The following XPO1 variants were observed in gnomAD, a reference collection of about 807,000 sequenced individuals.
The protein encoded by XPO1 is exportin-1.
A neutral mutation model predicts 133.3 loss-of-function variants in XPO1; 5 were observed. The ratio of observed to expected loss-of-function variants is 0.04; its 90% CI spans 0.02 to 0.08. XPO1 has a LOEUF of 0.08. Among genes scored for constraint, XPO1 ranks in the 10% least tolerant of loss-of-function variants. The pLI is 1.00. For synonymous variants in XPO1, 419 were observed against 408.2 expected, an observed-to-expected ratio of 1.03 and a Z score of -0.32; for missense variants, 506 against 1,267.5, an observed-to-expected ratio of 0.40 and a Z score of 9.12.
intron 1 of XPO1, among the ~76,000 whole-genome samples, chr2:61,534,920 T>C (rs554349737): frequency 3.3e-4 from 50 of 152,286 alleles, no homozygotes; most frequent in Non-Finnish European, 8.8e-5. Flanking sequence ...ATATATGATC[T>C]AGGAAAAAAA....
chr2:61,499,974 G>A, intron 6 of XPO1, 80 bp from the exon 7 acceptor site: 1 of 1,349,766 alleles, frequency 7.4e-7, no homozygotes, highest in Non-Finnish European at 1.0e-6. Context: ...TTATGTAATG[G>A]ATAAAGGCAG....
At chr2:61,531,566 T>C (rs941091332) in intron 2 of XPO1, among the ~76,000 whole-genome samples, 1 of 152,236 alleles carries the variant, frequency 6.6e-6, no homozygotes, top group African/African-American at 2.4e-5. Context: ...CCTTTAGATG[T>C]AGTGAACTAG....
intron 1 of XPO1, chr2:61,536,565 G>A (rs1699361896): frequency 6.6e-6 from 1 of 152,238 alleles, no homozygotes; most frequent in Admixed American, 6.5e-5. Context: ...TCGCTACAAG[G>A]CGAAAGACTG....
At chr2:61,519,409 G>A (rs554276464) in intron 4 of XPO1, among the ~76,000 whole-genome samples, 1 of 151,774 alleles carries the variant, frequency 6.6e-6, no homozygotes, top group East Asian at 1.9e-4. Context: ...TAATTTAAAA[G>A]AACATGTTAG....
chr2:61,505,756 A>C (rs889092320), intron 4 of XPO1, among the ~76,000 whole-genome samples: 1 of 151,880 alleles, frequency 6.6e-6, no homozygotes, highest in Non-Finnish European at 1.5e-5. Context: ...ATGGGGTTTC[A>C]CCATTTTGGC....
At chr2:61,533,743 TGTTATAAA>T (rs754076545) in intron 2 of XPO1, 21 bp downstream of exon 2, 1 of 1,547,992 alleles carries the variant, frequency 6.5e-7, no homozygotes, top group African/African-American at 1.4e-5. Flanking sequence ...ACTGTCATAA[TGTTATAAA>T]GTTTTGGTTG....
chr2:61,518,335 G>A (rs1270140937), intron 4 of XPO1, among the ~76,000 whole-genome samples: 1 of 151,432 alleles, frequency 6.6e-6, no homozygotes, highest in Non-Finnish European at 1.5e-5. Flanking sequence ...GGCGGATGAC[G>A]AGGTCAGGAG....
Position 61,492,645 on chromosome 2 carries a change from T to C in XPO1, c.1488A>G (p.Thr496=). 2.5e-6 allele frequency: 4 copies of C among 1,613,950 alleles called. No homozygotes were observed. The highest frequency in any genetic ancestry group is 1.3e-5 in the African/African-American group (1 of 75,044). The change falls in exon 14 of 25, where the codon ACA becomes ACG. Residue 496 remains threonine, a synonymous_variant. Coordinates refer to ENST00000401558, the MANE Select transcript of XPO1 (RefSeq NM_003400.4). The surrounding 1 kb of genome is among the most constrained non-coding windows in gnomAD (Gnocchi z 5.6). The part of the protein sequence containing the change: ...GTEWSWKNLN[T]LCWAIGSISG... The stretch of plus-strand genomic sequence containing the variant: ...TAATGGAGCCTATTGCCCAACACAA[T>C]GTATTCAAATTTTTCCATGACCACT...
intron 5 of XPO1, 104 bp from the exon 6 acceptor site, chr2:61,502,144 C>T (rs980705040): frequency 9.3e-6 from 14 of 1,503,276 alleles, no homozygotes; most frequent in Non-Finnish European, 1.3e-5. Context: ...AAATGACTGA[C>T]TGTGCATATG....
chr2:61,493,804 A>C, intron 12 of XPO1, 90 bp downstream of exon 12: 1 of 1,370,618 alleles, frequency 7.3e-7, no homozygotes, highest in Non-Finnish European at 1.0e-6. Flanking sequence ...TTTTATAGCT[A>C]ATTTATTTAC....
chr2:61,526,605 AC>A, intron 2 of XPO1, 84 bp from the exon 3 acceptor site: 1 of 1,001,468 alleles, frequency 1.0e-6, no homozygotes, highest in Non-Finnish European at 1.4e-6. Context: ...TGAGCAAGGC[AC>A]AAATTCTAAT....
At chr2:61,482,875 G>A (rs965413089) in intron 22 of XPO1, 82 bp downstream of exon 22, 46 of 1,544,754 alleles carry the variant, frequency 3.0e-5, no homozygotes, top group Middle Eastern at 1.8e-4. Flanking sequence ...TCCCCGCCTC[G>A]ACCTCCCAAA....
chr2:61,524,406 C>G (rs563110055), intron 3 of XPO1, among the ~76,000 whole-genome samples: 1 of 152,170 alleles, frequency 6.6e-6, no homozygotes, highest in African/African-American at 2.4e-5. Flanking sequence ...ATTTACTAAC[C>G]TGTATTTTCT....
At chr2:61,534,996 T>A (rs967721793) in intron 1 of XPO1, among the ~76,000 whole-genome samples, 5 of 152,210 alleles carry the variant, frequency 3.3e-5, no homozygotes, top group Admixed American at 6.5e-5. Context: ...AGGTAAAAGC[T>A]GTAAAAGCTT....
chr2:61,479,709 GCAC>G (rs1458147573), intron 24 of XPO1, among the ~76,000 whole-genome samples: 2 of 151,978 alleles, frequency 1.3e-5, no homozygotes, highest in Admixed American at 6.6e-5. Context: ...GGGATTACAG[GCAC>G]CACCACATCT....
chr2:61,515,974 A>C (rs999774156), intron 4 of XPO1, among the ~76,000 whole-genome samples: 3 of 130,910 alleles, frequency 2.3e-5, no homozygotes, highest in Non-Finnish European at 3.2e-5. Flanking sequence ...CACACACACA[A>C]AATTAGCCAG....
Position 61,538,235 on chromosome 2 carries a change from G to A in XPO1, c.-680C>T. ...TCCCGCTGCTCCTGCCGCGGCCGCTGCAGCCGCTTCTCCCCCTCCTCCTAG... is the reference window on the plus strand; with the variant it reads ...TCCCGCTGCTCCTGCCGCGGCCGCTACAGCCGCTTCTCCCCCTCCTCCTAG... On this transcript the variant is annotated 5_prime_UTR_variant, in exon 1 of 25. Transcript: ENST00000401558. 5.9e-6 allele frequency: 1 copy of A among 169,918 alleles called. No individual in the cohort carries two copies. Among genetic ancestry groups the A allele is most frequent in the Non-Finnish European group, 1.3e-5 (1 of 79,072 alleles). The allele number at this position is 169,918 out of a possible 1,614,324, so 10.5% of individuals were successfully genotyped here. A position where few individuals can be genotyped will look rare whatever the true frequency, so the allele number is the denominator to read the frequency against.
intron 7 of XPO1, 37 bp downstream of exon 7, chr2:61,499,676 A>C: frequency 2.0e-6 from 3 of 1,524,964 alleles, no homozygotes; most frequent in Non-Finnish European, 2.6e-6. Context: ...TTGTTTGAGA[A>C]ATCACTTTAA....
At chr2:61,530,419 G>C (rs1301582531) in intron 2 of XPO1, among the ~76,000 whole-genome samples, 1 of 152,012 alleles carries the variant, frequency 6.6e-6, no homozygotes, top group African/African-American at 2.4e-5. Flanking sequence ...AAACTAAAGA[G>C]AGAAAACCTA....
Sources: gnomAD v4.1 joint callset for allele counts (sites outside exome capture counted in the v4.1 genomes callset) on GRCh38, gnomAD v4.1.1 for gene constraint, Gnocchi (gnomAD v3.1) non-coding constraint, MANE v1.5 for transcripts, NCBI Gene and HGNC (gene_info 2026-07-23, HGNC 2026-07-21) for gene names.